CLIP2: variants seen among roughly 807,000 people sequenced by gnomAD.
The protein encoded by CLIP2 is CAP-Gly domain-containing linker protein 2.
In CLIP2, 41 loss-of-function variants were observed where a neutral mutation model predicts 111.7. The observed-to-expected ratio is 0.37, with a 90% confidence interval of 0.29 to 0.48. CLIP2 has a LOEUF of 0.48. Ranked by LOEUF, CLIP2 falls within the 20% of genes least tolerant of loss-of-function variation. The probability of loss-of-function intolerance (pLI) is 0.99; values close to 1 mark genes in which losing one functional copy is unlikely to be tolerated. For missense variants in CLIP2, 1,160 were observed against 1,422.1 expected (o/e 0.82, Z 2.96); for synonymous variants, 660 against 644.2 (o/e 1.02, Z -0.37).
At chr7:74,326,631 C>T (rs1789115167) in intron 2 of CLIP2, among the ~76,000 whole-genome samples, 1 of 151,744 alleles carries the variant, frequency 6.6e-6, no homozygotes, top group Non-Finnish European at 1.5e-5. Flanking sequence ...AGGGCTGGGC[C>T]CAGAGCATTT....
At chr7:74,344,708 G>A (rs538520717) in intron 3 of CLIP2, among the ~76,000 whole-genome samples, 5 of 151,990 alleles carry the variant, frequency 3.3e-5, no homozygotes, top group Admixed American at 2.6e-4. Context: ...CAGCCTAATC[G>A]AGGATTTAGG....
In CLIP2 at chr7:74,403,980, C is replaced by T; in HGVS notation, c.*132C>T. On this transcript the variant is annotated 3_prime_UTR_variant, in exon 17 of 17. Coordinates refer to ENST00000223398, the MANE Select transcript of CLIP2 (RefSeq NM_003388.5). ...ACAGTGTTTGTAACAATAACGTACTCACCGCCGCGGACAATCCCCCACCCC... is the reference window on the plus strand; with the variant it reads ...ACAGTGTTTGTAACAATAACGTACTTACCGCCGCGGACAATCCCCCACCCC... 1 of 1,003,256 alleles carries T rather than the reference C, an allele frequency of 1.0e-6. No individual in the cohort carries two copies. The highest frequency in any genetic ancestry group is 1.3e-5 in the South Asian group (1 of 78,364). 62.1% of individuals were successfully genotyped at this position (1,003,256 alleles called of 1,614,324 possible). A position where few individuals can be genotyped will look rare whatever the true frequency, so the allele number is the denominator to read the frequency against.
intron 2 of CLIP2, among the ~76,000 whole-genome samples, chr7:74,330,767 G>A (rs1023244981): frequency 3.9e-5 from 6 of 152,076 alleles, no homozygotes; most frequent in African/African-American, 9.7e-5. Flanking sequence ...TTATGTAACT[G>A]CTCCTTGGTT....
intron 8 of CLIP2, among the ~76,000 whole-genome samples, chr7:74,372,192 T>C (rs999416868): frequency 7.2e-5 from 11 of 151,996 alleles, no homozygotes; most frequent in Admixed American, 4.6e-4. Flanking sequence ...GAAGCAGATA[T>C]TGTCGAGCTG....
At chr7:74,387,022 CAAAA>C (rs35422612) in intron 12 of CLIP2, among the ~76,000 whole-genome samples, 2 of 70,054 alleles carry the variant, frequency 2.9e-5, no homozygotes, top group Non-Finnish European at 2.9e-5. Flanking sequence ...GACTCCATCT[CAAAA>C]AAAAAAAAAA....
intron 3 of CLIP2, among the ~76,000 whole-genome samples, chr7:74,352,189 C>G (rs75058117): frequency 6.6e-6 from 1 of 152,238 alleles, no homozygotes; most frequent in Admixed American, 6.5e-5. Flanking sequence ...TATCCCAGCA[C>G]TTTGGGAGGC....
At chr7:74,345,290 A>G (rs1300892815) in intron 3 of CLIP2, among the ~76,000 whole-genome samples, 2 of 151,990 alleles carry the variant, frequency 1.3e-5, no homozygotes, top group African/African-American at 2.4e-5. Context: ...AGTGGAGTAT[A>G]GTGGCGCGAT....
chr7:74,372,410 G>GC (rs1359618195), intron 8 of CLIP2, among the ~76,000 whole-genome samples: 1 of 148,466 alleles, frequency 6.7e-6, no homozygotes, highest in African/African-American at 2.5e-5. Context: ...CTTGGGGGGG[G>GC]GGGGGAGTCG....
In CLIP2 at chr7:74,405,314, G is replaced by A. The variant is rs1391407024; in HGVS notation, c.*1466G>A. Reference sequence around the variant, plus strand: ...CCGGCAGCTCAGGGAGTGTTTTCCTGTGAGGCCTCCCCCATCAGTGGACCA... The same window carrying A: ...CCGGCAGCTCAGGGAGTGTTTTCCTATGAGGCCTCCCCCATCAGTGGACCA... On this transcript the variant is annotated 3_prime_UTR_variant, in exon 17 of 17. Transcript: ENST00000223398. 6.6e-6 allele frequency: 1 copy of A among 152,258 alleles called. No homozygotes were observed. Among genetic ancestry groups the A allele is most frequent in the Non-Finnish European group, 1.5e-5 (1 of 68,106 alleles). 9.4% of individuals were successfully genotyped at this position (152,258 alleles called of 1,614,324 possible).
rs111225920 is a variant in CLIP2, at chr7:74,399,542, T to TGG, written c.2881-816_2881-815dup. Among the ~76,000 whole-genome samples the TGG allele has an allele frequency of 5.4e-3, 240 of 44,578 alleles. 13 individuals carry two copies. The highest frequency in any genetic ancestry group is 0.028 in the Middle Eastern group (1 of 36). 29.2% of individuals were successfully genotyped at this position (44,578 alleles called of 152,430 possible). A position where few individuals can be genotyped will look rare whatever the true frequency, so the allele number is the denominator to read the frequency against. ...AATAGAGTGAGACTCAGTCTTTTTTTGGGGGGGGGGGGGTGGGGACCAAGT... is the reference window on the plus strand; with the variant it reads ...AATAGAGTGAGACTCAGTCTTTTTTTGGGGGGGGGGGGGGGTGGGGACCAAGT... On this transcript the variant is annotated intron_variant, in intron 14 of 16. Transcript: ENST00000223398.
At chr7:74,390,490 C>T (rs1269348941) in intron 13 of CLIP2, among the ~76,000 whole-genome samples, 1 of 151,068 alleles carries the variant, frequency 6.6e-6, no homozygotes, top group Non-Finnish European at 1.5e-5. Context: ...GGCAACATGG[C>T]AAAACCCCTC....
chr7:74,351,625 C>T (rs1790001266), intron 3 of CLIP2, among the ~76,000 whole-genome samples: 1 of 151,912 alleles, frequency 6.6e-6, no homozygotes. Context: ...CACCTGAGGT[C>T]AGAAGTGCGA....
chr7:74,335,470 C>T (rs528455179), intron 2 of CLIP2, among the ~76,000 whole-genome samples: 2 of 151,604 alleles, frequency 1.3e-5, no homozygotes, highest in Non-Finnish European at 2.9e-5. Context: ...GCTGGGATTA[C>T]AGGCTGCATA....
chr7:74,350,821 G>A (rs1247800806), intron 3 of CLIP2, among the ~76,000 whole-genome samples: 4 of 151,532 alleles, frequency 2.6e-5, no homozygotes, highest in Non-Finnish European at 4.4e-5. Flanking sequence ...AGCCATGATC[G>A]CACCACTGCA....
At chr7:74,344,985 G>C (rs899205135) in intron 3 of CLIP2, among the ~76,000 whole-genome samples, 2 of 152,176 alleles carry the variant, frequency 1.3e-5, no homozygotes, top group Non-Finnish European at 1.5e-5. Context: ...AGGCCACAGA[G>C]TGTAGTAAGA....
chr7:74,360,973 G>A (rs1274832790), intron 7 of CLIP2, among the ~76,000 whole-genome samples: 4 of 152,058 alleles, frequency 2.6e-5, no homozygotes, highest in African/African-American at 7.2e-5. Flanking sequence ...CTGGGGAGCC[G>A]TGCACCAGGA....
chr7:74,390,179 AAGAAAG>A (rs1223425143), intron 13 of CLIP2, among the ~76,000 whole-genome samples: 3 of 87,122 alleles, frequency 3.4e-5, no homozygotes, highest in African/African-American at 1.2e-4. Flanking sequence ...GAAAGAAAGA[AAGAAAG>A]AAAGAAAGAA....
chr7:74,331,016 C>A (rs1414340177), intron 2 of CLIP2, among the ~76,000 whole-genome samples: 2 of 151,426 alleles, frequency 1.3e-5, no homozygotes, highest in Admixed American at 6.6e-5. Flanking sequence ...ATGAGCCTGG[C>A]CAAAATGGCA....
chr7:74,337,412 A>T (rs1789504164), intron 2 of CLIP2, among the ~76,000 whole-genome samples: 1 of 151,764 alleles, frequency 6.6e-6, no homozygotes, highest in Admixed American at 6.6e-5. Context: ...GAGGGCGAGG[A>T]TGGGGGTCTC....
Sources: allele counts gnomAD v4.1 joint callset (sites outside exome capture counted in the v4.1 genomes callset), GRCh38; gene constraint gnomAD v4.1.1; transcripts MANE v1.5; gene names NCBI Gene and HGNC (gene_info 2026-07-23, HGNC 2026-07-21).